PIK3R1: variants seen among roughly 807,000 people sequenced by gnomAD.
The protein encoded by PIK3R1 is phosphoinositide-3-kinase regulatory subunit 1.
A neutral mutation model predicts 98.0 loss-of-function variants in PIK3R1; 29 were observed. The ratio of observed to expected loss-of-function variants is 0.30; its 90% CI spans 0.22 to 0.40. The LOEUF is 0.40. PIK3R1 is among the 10% of genes least tolerant of loss of function. The pLI, the probability that PIK3R1 is intolerant of heterozygous loss-of-function variation, is 1.00. For missense variants in PIK3R1, 596 were observed against 872.7 expected, an observed-to-expected ratio of 0.68 and a Z score of 3.99; for synonymous variants, 282 against 311.8, an observed-to-expected ratio of 0.90 and a Z score of 1.01.
chr5:68,238,211 C>T (rs7709243), intron 2 of PIK3R1, among the ~76,000 whole-genome samples: 86,189 of 151,622 alleles, frequency 0.57, 25,340 homozygotes, highest in East Asian at 0.76. Context: ...TGAAAACCAC[C>T]TTGGAACTGG....
intron 2 of PIK3R1, among the ~76,000 whole-genome samples, chr5:68,241,553 T>C (rs1744873658): frequency 6.6e-6 from 1 of 152,246 alleles, no homozygotes; most frequent in Non-Finnish European, 1.5e-5. Flanking sequence ...GCATTGAACA[T>C]TTGCTTTGTT....
At chr5:68,294,436 C>T (rs1747573259) in intron 11 of PIK3R1, 100 bp from the exon 12 acceptor site, 1 of 741,466 alleles carries the variant, frequency 1.3e-6, no homozygotes, top group Non-Finnish European at 2.0e-6. Flanking sequence ...ATTTGAGTCC[C>T]ACTCTGCTAA....
At chr5:68,271,120 G>A (rs188834694) in intron 2 of PIK3R1, among the ~76,000 whole-genome samples, 55 of 152,224 alleles carry the variant, frequency 3.6e-4, no homozygotes, top group African/African-American at 1.1e-3. Flanking sequence ...CAGGTTACTA[G>A]CCCATTCCTG....
intron 4 of PIK3R1, among the ~76,000 whole-genome samples, chr5:68,274,854 C>T (rs1279320001): frequency 2.0e-5 from 3 of 152,196 alleles, no homozygotes; most frequent in African/African-American, 4.8e-5. Flanking sequence ...TTCATTCCCT[C>T]ATAACGCTTA....
At chr5:68,226,096 C>G (rs1409609955) in intron 1 of PIK3R1, among the ~76,000 whole-genome samples, 194 bp from the exon 2 acceptor site, 1 of 152,140 alleles carries the variant, frequency 6.6e-6, no homozygotes, top group Non-Finnish European at 1.5e-5. Flanking sequence ...GACACTCCTC[C>G]CCTCTGCCCC....
chr5:68,289,946 C>T (rs1395442630), intron 7 of PIK3R1, among the ~76,000 whole-genome samples: 1 of 152,064 alleles, frequency 6.6e-6, no homozygotes, highest in Non-Finnish European at 1.5e-5. Context: ...TTTAGGCAGT[C>T]ACATTAAAAT....
intron 7 of PIK3R1, among the ~76,000 whole-genome samples, chr5:68,284,077 C>T (rs1349861276): frequency 6.6e-6 from 1 of 152,226 alleles, no homozygotes; most frequent in Admixed American, 6.5e-5. Flanking sequence ...TCTCAACTCT[C>T]TCGAGTAACT....
chr5:68,254,156 C>T (rs1306083227), intron 2 of PIK3R1, among the ~76,000 whole-genome samples: 2 of 152,210 alleles, frequency 1.3e-5, no homozygotes, highest in African/African-American at 4.8e-5. Context: ...GCTCTGTGAA[C>T]TCCCTGTTCT....
chr5:68,263,610 T>C (rs574752031), intron 2 of PIK3R1, among the ~76,000 whole-genome samples: 1 of 152,228 alleles, frequency 6.6e-6, no homozygotes, highest in East Asian at 1.9e-4. Flanking sequence ...TTCATTTTGT[T>C]AAACTCTGAT....
At chr5:68,243,563 C>T (rs1247422896) in intron 2 of PIK3R1, among the ~76,000 whole-genome samples, 23 of 152,184 alleles carry the variant, frequency 1.5e-4, no homozygotes, top group Admixed American at 1.5e-3. Flanking sequence ...ACCTTTCTTT[C>T]TTTCCCAGAA....
intron 1 of PIK3R1, among the ~76,000 whole-genome samples, chr5:68,224,001 G>C (rs1744186083): frequency 6.6e-6 from 1 of 152,066 alleles, no homozygotes; most frequent in Non-Finnish European, 1.5e-5. Context: ...TAAAGGAAGT[G>C]TTAGGAAGCA....
At chr5:68,288,158 C>T (rs1747158262) in intron 7 of PIK3R1, among the ~76,000 whole-genome samples, 1 of 152,180 alleles carries the variant, frequency 6.6e-6, no homozygotes, top group Admixed American at 6.5e-5. Context: ...TACTTGAGCC[C>T]CGCGAGCCAG....
intron 2 of PIK3R1, among the ~76,000 whole-genome samples, chr5:68,258,990 T>A (rs986633136): frequency 1.4e-4 from 21 of 152,338 alleles, no homozygotes; most frequent in Middle Eastern, 3.4e-3. Context: ...TATGATACTT[T>A]TTTTCTTTAT....
At chr5:68,240,632 T>G (rs1008722348) in intron 2 of PIK3R1, among the ~76,000 whole-genome samples, 1 of 152,226 alleles carries the variant, frequency 6.6e-6, no homozygotes, top group African/African-American at 2.4e-5. Flanking sequence ...CCTCTTTGCC[T>G]ACCCCAAATA....
chr5:68,216,480 G>T (rs964998057), intron 1 of PIK3R1, among the ~76,000 whole-genome samples: 1 of 151,946 alleles, frequency 6.6e-6, no homozygotes. Context: ...CCCGGAGCTC[G>T]TCCCCTAACC....
At chr5:68,237,488 G>A (rs1311199127) in intron 2 of PIK3R1, among the ~76,000 whole-genome samples, 1 of 151,922 alleles carries the variant, frequency 6.6e-6, no homozygotes, top group East Asian at 1.9e-4. Flanking sequence ...ATGTCTAATA[G>A]GACAGTGTGA....
intron 2 of PIK3R1, among the ~76,000 whole-genome samples, chr5:68,264,778 AC>A (rs1459210307): frequency 2.6e-5 from 4 of 152,094 alleles, no homozygotes; most frequent in African/African-American, 9.7e-5. Context: ...TTCCTGTGGG[AC>A]CTTGGGCAAG....
chr5:68,250,585 C>G (rs1745267895), intron 2 of PIK3R1, among the ~76,000 whole-genome samples: 2 of 152,178 alleles, frequency 1.3e-5, no homozygotes, highest in Non-Finnish European at 2.9e-5. Flanking sequence ...CCAATGTAGT[C>G]ATGCAAAATC....
chr5:68,299,433 C>T lies in PIK3R1; in HGVS notation c.*1832C>T, dbSNP rs752718808. On this transcript the variant is annotated 3_prime_UTR_variant, in exon 16 of 16. Coordinates refer to ENST00000521381, the MANE Select transcript of PIK3R1 (RefSeq NM_181523.3). ...TCTAATCATTGTATGTGCTTCACTA[C>T]GGGGGGGAGAAGGAAACGTTAGCAT... 6 of 233,054 alleles carry T rather than the reference C, an allele frequency of 2.6e-5. No individual in the cohort carries two copies. The highest frequency in any genetic ancestry group is 1.2e-4 in the East Asian group (2 of 16,530). The allele number at this position is 233,054 out of a possible 1,614,324, so 14.4% of individuals were successfully genotyped here. A position where few individuals can be genotyped will look rare whatever the true frequency, so the allele number is the denominator to read the frequency against.
Sources: allele counts gnomAD v4.1 joint callset (sites outside exome capture counted in the v4.1 genomes callset), GRCh38; gene constraint gnomAD v4.1.1; transcripts MANE v1.5; gene names NCBI Gene and HGNC (gene_info 2026-07-23, HGNC 2026-07-21).